Variants in RALY observed in about 807,000 individuals in gnomAD.
The protein encoded by RALY is RNA-binding protein Raly.
Under a neutral mutation model 30.7 loss-of-function variants are expected in RALY, and 15 were observed. The ratio of observed to expected loss-of-function variants is 0.49; its 90% CI spans 0.33 to 0.75. The LOEUF (loss-of-function observed/expected upper bound fraction) is 0.75, where lower values mean the gene tolerates loss of function less well. Among genes scored for constraint, RALY ranks in the 30% least tolerant of loss-of-function variants. RALY has a pLI of 0.02. For missense variants in RALY, 339 were observed against 414.3 expected (o/e 0.82, Z 1.58); for synonymous variants, 177 against 170.8 (o/e 1.04, Z -0.28).
At chr20:33,995,004 A>C (rs2030539286) in intron 1 of RALY, among the ~76,000 whole-genome samples, 2 of 152,196 alleles carry the variant, frequency 1.3e-5, no homozygotes, top group African/African-American at 2.4e-5. Context: ...GAGTGGTGCC[A>C]GTACCTATTA....
At chr20:34,070,751 A>G (rs997048830) in intron 2 of RALY, among the ~76,000 whole-genome samples, 1 of 152,102 alleles carries the variant, frequency 6.6e-6, no homozygotes, top group African/African-American at 2.4e-5. Context: ...AACTTGTGGG[A>G]TCTTGGGATT....
At chr20:34,034,874 C>T (rs1008392899) in intron 2 of RALY, among the ~76,000 whole-genome samples, 32 of 151,986 alleles carry the variant, frequency 2.1e-4, no homozygotes, top group African/African-American at 7.0e-4. Context: ...CAGTCTGGGC[C>T]GGGTGCGGTG....
intron 1 of RALY, among the ~76,000 whole-genome samples, chr20:34,004,662 A>T (rs1052330423): frequency 6.6e-6 from 1 of 152,246 alleles, no homozygotes; most frequent in African/African-American, 2.4e-5. Context: ...TAAACTGGAT[A>T]AAAGGATGAG....
intron 1 of RALY, among the ~76,000 whole-genome samples, chr20:34,018,095 G>A (rs2031675878): frequency 6.6e-6 from 1 of 152,204 alleles, no homozygotes; most frequent in Admixed American, 6.5e-5. Flanking sequence ...ATAAAGATGT[G>A]TCCAGGAATT....
At chr20:34,001,144 A>G (rs1487496459) in intron 1 of RALY, among the ~76,000 whole-genome samples, 6 of 152,258 alleles carry the variant, frequency 3.9e-5, no homozygotes, top group African/African-American at 1.4e-4. Flanking sequence ...ATCAAATTGT[A>G]TGCTGAGTTC....
chr20:34,034,496 T>C (rs753356116), intron 2 of RALY, among the ~76,000 whole-genome samples: 1 of 152,194 alleles, frequency 6.6e-6, no homozygotes, highest in Admixed American at 6.5e-5. Context: ...ACAACTGCCC[T>C]GTGAAAAAGC....
At chr20:34,020,428 T>C (rs1187258373) in intron 1 of RALY, among the ~76,000 whole-genome samples, 1 of 152,158 alleles carries the variant, frequency 6.6e-6, no homozygotes, top group African/African-American at 2.4e-5. Context: ...TACAACTCAG[T>C]GTGATTGGAG....
In RALY at chr20:34,029,443, A is replaced by C. The variant is rs1411512879; in HGVS notation, c.-92-2079A>C. Reference sequence around the variant, plus strand: ...ACAGAGTGAGACTCTGTTGCAAAACATAAAGAAAGGAAGAAAGGAGGGAGG... The same window carrying C: ...ACAGAGTGAGACTCTGTTGCAAAACCTAAAGAAAGGAAGAAAGGAGGGAGG... On this transcript the variant is annotated intron_variant, in intron 1 of 9. Coordinates refer to ENST00000246194, the MANE Select transcript of RALY (RefSeq NM_016732.3). Among the ~76,000 whole-genome samples the C allele has an allele frequency of 4.9e-5, 7 of 142,338 alleles. 1 individual carries two copies. In the East Asian group the frequency reaches 1.5e-3, roughly 31 times the overall value. 93.4% of individuals were successfully genotyped at this position (142,338 alleles called of 152,430 possible).
chr20:34,073,848 G>A lies in RALY; in HGVS notation c.359G>A (p.Arg120Gln), dbSNP rs1207693574. Reference sequence around the variant, plus strand: ...TACATCTTTGACTATGATTACTACCGGGACGACTTCTACGACAGGTGAGCA... The same window carrying A: ...TACATCTTTGACTATGATTACTACCAGGACGACTTCTACGACAGGTGAGCA... ...SGYIFDYDYYRDDFYDRLFDY... is the reference protein window; with the variant it reads ...SGYIFDYDYYQDDFYDRLFDY... Residue 120 changes from arginine (R) to glutamine (Q), a missense_variant, in exon 5 of 10, where the codon CGG (arginine) becomes CAG (glutamine). By Grantham distance (43) the Arg-to-Gln change is conservative. Coordinates refer to ENST00000246194, the MANE Select transcript of RALY (RefSeq NM_016732.3). 2.5e-6 allele frequency: 4 copies of A among 1,614,090 alleles called. No homozygotes were observed. Among genetic ancestry groups the A allele is most frequent in the South Asian group, 1.1e-5 (1 of 91,086 alleles).
intron 2 of RALY, among the ~76,000 whole-genome samples, chr20:34,057,326 CAATAT>C (rs2033275913): frequency 1.3e-5 from 2 of 152,096 alleles, no homozygotes; most frequent in South Asian, 2.1e-4. Flanking sequence ...TAAACATACT[CAATAT>C]AATAGCACAA....
chr20:34,020,529 G>A (rs1459410208), intron 1 of RALY, among the ~76,000 whole-genome samples: 4 of 152,190 alleles, frequency 2.6e-5, no homozygotes, highest in Admixed American at 2.6e-4. Flanking sequence ...GAGGTTACAG[G>A]ACTGTGGTAG....
chr20:34,000,970 T>C (rs1293474343), intron 1 of RALY, among the ~76,000 whole-genome samples: 1 of 152,208 alleles, frequency 6.6e-6, no homozygotes, highest in African/African-American at 2.4e-5. Flanking sequence ...TGGAAGTGGC[T>C]TGAGAATTTA....
At chr20:34,073,461 A>G (rs2033787802) in intron 3 of RALY, 102 bp from the exon 4 acceptor site, 1 of 1,074,536 alleles carries the variant, frequency 9.3e-7, no homozygotes, top group Non-Finnish European at 1.4e-6. Context: ...ATCCATGTGT[A>G]TACCGTGTAA....
At chr20:34,069,434 C>T (rs1308106230) in intron 2 of RALY, among the ~76,000 whole-genome samples, 1 of 152,088 alleles carries the variant, frequency 6.6e-6, no homozygotes, top group Admixed American at 6.5e-5. Flanking sequence ...GCTTGTGGCT[C>T]CCAGTAGAGG....
chr20:33,998,876 T>C (rs2284377), intron 1 of RALY, among the ~76,000 whole-genome samples: 112,624 of 151,782 alleles, frequency 0.74, 42,237 homozygotes, highest in South Asian at 0.85. Context: ...TTTGTAGTCC[T>C]AGCACTTTGG....
chr20:34,032,865 CTACT>C (rs923926302), intron 2 of RALY, among the ~76,000 whole-genome samples: 44 of 152,184 alleles, frequency 2.9e-4, no homozygotes, highest in Middle Eastern at 3.4e-3. Flanking sequence ...TCAAGAAGGC[CTACT>C]TACTTAGGGA....
intron 7 of RALY, 27 bp downstream of exon 7, chr20:34,076,842 C>G (rs753918214): frequency 6.2e-7 from 1 of 1,610,100 alleles, no homozygotes; most frequent in South Asian, 1.1e-5. Context: ...TCTCACCCAC[C>G]TCCATGACCA....
intron 2 of RALY, among the ~76,000 whole-genome samples, chr20:34,043,715 G>T (rs903204114): frequency 6.6e-6 from 1 of 152,176 alleles, no homozygotes; most frequent in Non-Finnish European, 1.5e-5. Context: ...CAGTATGAAG[G>T]TTAGGAAGGA....
intron 1 of RALY, among the ~76,000 whole-genome samples, chr20:34,021,828 G>A (rs988013206): frequency 6.6e-6 from 1 of 151,512 alleles, no homozygotes; most frequent in South Asian, 2.1e-4. Flanking sequence ...CTCAGGAGAC[G>A]GAACTCTTTT....
Sources: gnomAD v4.1 joint callset for allele counts (sites outside exome capture counted in the v4.1 genomes callset) on GRCh38, gnomAD v4.1.1 for gene constraint, MANE v1.5 for transcripts, NCBI Gene and HGNC (gene_info 2026-07-23, HGNC 2026-07-21) for gene names.